The following PDE4D variants were observed in gnomAD, a reference collection of about 807,000 sequenced individuals.
PDE4D encodes the protein 3',5'-cyclic-AMP phosphodiesterase 4D.
A neutral mutation model predicts 87.4 loss-of-function variants in PDE4D; 24 were observed. That is an observed-to-expected ratio of 0.27 (90% CI 0.20 to 0.39). The LOEUF is 0.39. PDE4D is among the 10% of genes least tolerant of loss of function. PDE4D has a pLI of 1.00. For missense variants in PDE4D, 714 were observed against 1,041.0 expected (o/e 0.69, Z 4.32); for synonymous variants, 384 against 383.2 (o/e 1.00, Z -0.02).
Position 60,196,183 on chromosome 5 carries a change from C to G in PDE4D, c.-89-10496G>C, listed in dbSNP as rs563112371. Among the ~76,000 whole-genome samples the G allele has an allele frequency of 4.6e-5, 7 of 151,778 alleles. No homozygotes were observed. The East Asian group carries it at 1.4e-3, about 29-fold the overall frequency. ...CTTCACTCCCAAGGGTATGGAAATG[C>G]CAGAGTACCCACTCTTTCAACGCTC... On this transcript the variant is annotated intron_variant, in intron 1 of 16. Transcript: ENST00000502484.
chr5:59,495,860 A>G (rs960692306), intron 1 of PDE4D, among the ~76,000 whole-genome samples: 1 of 152,026 alleles, frequency 6.6e-6, no homozygotes, highest in African/African-American at 2.4e-5. Context: ...GGCAGCATCT[A>G]GGGGTGGATG....
intron 5 of PDE4D, among the ~76,000 whole-genome samples, chr5:59,151,884 CAA>C (rs1779532096): frequency 6.6e-6 from 1 of 151,254 alleles, no homozygotes; most frequent in African/African-American, 2.4e-5. Context: ...GAATGGGAAA[CAA>C]GACAAATAAG....
intron 1 of PDE4D, among the ~76,000 whole-genome samples, chr5:59,736,286 T>C (rs1758057788): frequency 6.6e-6 from 1 of 152,104 alleles, no homozygotes; most frequent in African/African-American, 2.4e-5. Context: ...TTATACCATC[T>C]AAAGACAAAA....
chr5:60,076,935 T>A (rs11746704), intron 2 of PDE4D, among the ~76,000 whole-genome samples: 3 of 152,016 alleles, frequency 2.0e-5, no homozygotes, highest in Non-Finnish European at 4.4e-5. Context: ...GCGACATGGC[T>A]TGGGGGCGGG....
intron 1 of PDE4D, among the ~76,000 whole-genome samples, chr5:60,369,842 A>T (rs1480627611): frequency 1.3e-5 from 2 of 152,208 alleles, no homozygotes; most frequent in Non-Finnish European, 2.9e-5. Flanking sequence ...AAAAAAAATC[A>T]GACCAGACGT....
At chr5:59,533,318 A>C (rs533293959) in intron 1 of PDE4D, among the ~76,000 whole-genome samples, 51 of 152,348 alleles carry the variant, frequency 3.3e-4, no homozygotes, top group Middle Eastern at 6.8e-3. Context: ...ATTTGCTTGG[A>C]ACTCATATGC....
chr5:60,429,953 C>G (rs929187696), intron 1 of PDE4D: 1 of 512,822 alleles, frequency 1.9e-6, no homozygotes, highest in African/African-American at 1.9e-5. Context: ...GTAACAGGTA[C>G]GTAGGCAACC....
intron 5 of PDE4D, among the ~76,000 whole-genome samples, chr5:59,072,278 A>G (rs1236945295): frequency 2.0e-5 from 3 of 152,182 alleles, no homozygotes; most frequent in African/African-American, 7.2e-5. Flanking sequence ...AGAAGGCTTA[A>G]GCATAGTTGG....
chr5:59,909,473 G>A (rs2152768875), intron 3 of PDE4D, among the ~76,000 whole-genome samples: 2 of 151,958 alleles, frequency 1.3e-5, no homozygotes, highest in South Asian at 4.2e-4. Flanking sequence ...ATGGCTCACT[G>A]CAGCTTCAAT....
At chr5:59,419,105 C>T (rs1794091158) in intron 1 of PDE4D, among the ~76,000 whole-genome samples, 1 of 152,184 alleles carries the variant, frequency 6.6e-6, no homozygotes, top group Non-Finnish European at 1.5e-5. Flanking sequence ...CATTCTCTGC[C>T]AGCCACCCTC....
intron 1 of PDE4D, among the ~76,000 whole-genome samples, chr5:60,272,975 T>C (rs558193665): frequency 3.3e-5 from 5 of 152,356 alleles, no homozygotes; most frequent in Non-Finnish European, 2.9e-5. Context: ...CTCACACTTA[T>C]TTACCATGGC....
At chr5:60,465,920 C>T (rs962567225) in intron 1 of PDE4D, among the ~76,000 whole-genome samples, 3 of 151,156 alleles carry the variant, frequency 2.0e-5, no homozygotes, top group Non-Finnish European at 2.9e-5. Flanking sequence ...AAATCAACTG[C>T]ACCGAACAAT....
intron 1 of PDE4D, among the ~76,000 whole-genome samples, chr5:59,305,851 C>G (rs1361089643): frequency 6.6e-6 from 1 of 152,096 alleles, no homozygotes; most frequent in Admixed American, 6.6e-5. Context: ...GTTCCATGCA[C>G]TGTTGAATAG....
chr5:60,341,210 A>G (rs1280654156), intron 1 of PDE4D, among the ~76,000 whole-genome samples: 3 of 152,224 alleles, frequency 2.0e-5, no homozygotes, highest in Non-Finnish European at 4.4e-5. Context: ...CACAGAGATC[A>G]TTAAACCCCT....
intron 1 of PDE4D, among the ~76,000 whole-genome samples, chr5:59,452,685 G>GA (rs1452588545): frequency 2.0e-5 from 3 of 152,202 alleles, no homozygotes; most frequent in African/African-American, 7.2e-5. Flanking sequence ...TGGAAGTCTT[G>GA]AGACCACAGC....
At chr5:59,813,812 T>G (rs1383035044) in intron 1 of PDE4D, among the ~76,000 whole-genome samples, 1 of 152,208 alleles carries the variant, frequency 6.6e-6, no homozygotes, top group East Asian at 1.9e-4. Context: ...CTTACCAGTC[T>G]CAACTCAGAA....
intron 1 of PDE4D, among the ~76,000 whole-genome samples, chr5:59,447,939 A>G (rs1343533530): frequency 6.6e-6 from 1 of 152,192 alleles, no homozygotes; most frequent in African/African-American, 2.4e-5. Flanking sequence ...TTGGTTCCAG[A>G]ACAAAACGAA....
rs1354557850 is a variant in PDE4D at position 59,081,524 on chromosome 5, A to AAAAAAAAAG, written c.809-42554_809-42553insCTTTTTTTT. The stretch of plus-strand genomic sequence containing the variant: ...TGACCAGGAAGTAATCAGGTAAAAA[A>AAAAAAAAAG]AAAAAAGAAAAAAAGTGGGTTTGTT... On this transcript the variant is annotated intron_variant, in intron 5 of 14. Transcript: ENST00000340635. 4.6e-5 allele frequency among the ~76,000 whole-genome samples: 7 copies of AAAAAAAAAG among 151,244 alleles called. No homozygotes were observed. In the East Asian group the frequency reaches 5.8e-4, roughly 13 times the overall value.
rs151057021 is a variant in PDE4D at position 59,504,992 on chromosome 5, T to G, written c.456-289024A>C. ...TGTGTGAAAGTGAGAGAGAGAGAAG[T>G]GTAGGGCTGCTCATTAGTCTTAACA... is the stretch of plus-strand genomic sequence containing the variant. On this transcript the variant is annotated intron_variant, in intron 1 of 14. Transcript: ENST00000340635. 1.8e-4 allele frequency among the ~76,000 whole-genome samples: 27 copies of G among 151,636 alleles called. No homozygotes were observed. In the East Asian group the frequency reaches 4.9e-3, roughly 27 times the overall value.
Sources: allele counts gnomAD v4.1 joint callset (sites outside exome capture counted in the v4.1 genomes callset), GRCh38; gene constraint gnomAD v4.1.1; transcripts MANE v1.5; gene names NCBI Gene and HGNC (gene_info 2026-07-23, HGNC 2026-07-21).